The following IPO5 variants were observed in gnomAD, a reference collection of about 807,000 sequenced individuals.
The protein encoded by IPO5 is importin-5.
A neutral mutation model predicts 143.3 loss-of-function variants in IPO5; 18 were observed. That is an observed-to-expected ratio of 0.13 (90% confidence interval 0.09 to 0.19). The LOEUF (loss-of-function observed/expected upper bound fraction) is 0.19. Ranked by LOEUF, IPO5 falls within the 10% of genes least tolerant of loss-of-function variation. The probability of loss-of-function intolerance (pLI) is 1.00; values close to 1 mark genes in which losing one functional copy is unlikely to be tolerated. For missense variants in IPO5, 1,013 were observed against 1,336.9 expected, an observed-to-expected ratio of 0.76 and a Z score of 3.78; for synonymous variants, 477 against 465.7, an observed-to-expected ratio of 1.02 and a Z score of -0.31.
At chr13:97,968,895 G>A (rs979964140) in intron 2 of IPO5, among the ~76,000 whole-genome samples, 6 of 151,772 alleles carry the variant, frequency 4.0e-5, no homozygotes, top group African/African-American at 1.5e-4. Context: ...CACCATGTTT[G>A]CCAGGCTGGT....
At chr13:97,968,309 A>G (rs781741870) in intron 2 of IPO5, among the ~76,000 whole-genome samples, 18 of 152,216 alleles carry the variant, frequency 1.2e-4, no homozygotes, top group Non-Finnish European at 2.4e-4. Flanking sequence ...CATATGGTCT[A>G]TCCTGGAGAA....
At chr13:97,965,151 G>A (rs1885213667) in intron 2 of IPO5, among the ~76,000 whole-genome samples, 1 of 152,114 alleles carries the variant, frequency 6.6e-6, no homozygotes, top group Non-Finnish European at 1.5e-5. Context: ...GAGAACACAT[G>A]GACACAGGAA....
At chr13:98,011,647 C>T (rs590038) in intron 20 of IPO5, among the ~76,000 whole-genome samples, 11,261 of 151,726 alleles carry the variant, frequency 0.074, 666 homozygotes, top group East Asian at 0.33. Context: ...CCTGGCATTA[C>T]AGGTGCCCGC....
intron 12 of IPO5, 134 bp downstream of exon 12, chr13:97,997,752 T>A: frequency 4.7e-6 from 2 of 424,604 alleles, no homozygotes; most frequent in Non-Finnish European, 8.6e-6. Flanking sequence ...TGCTGTTGTA[T>A]TTATTGCTGT....
rs555601282 is a variant in IPO5 at position 97,959,180 on chromosome 13, A to G, written c.-113+4982A>G. On this transcript the variant is annotated intron_variant, in intron 2 of 28. Coordinates refer to ENST00000651721, the MANE Select transcript of IPO5 (RefSeq NM_002271.6). Reference sequence around the variant, plus strand: ...CAGCAAGACTGTGTCTCAAAAAAAAAAAAAGAGAGAGAACAAGTCACACTA... The same window carrying G: ...CAGCAAGACTGTGTCTCAAAAAAAAGAAAAGAGAGAGAACAAGTCACACTA... Among the ~76,000 whole-genome samples, 67 of 151,460 alleles carry G rather than the reference A, an allele frequency of 4.4e-4. No individual in the cohort carries two copies. In the South Asian group the frequency reaches 0.012, roughly 27 times the overall value.
chr13:97,980,612 G>A (rs1886757957), intron 4 of IPO5, among the ~76,000 whole-genome samples: 1 of 151,844 alleles, frequency 6.6e-6, no homozygotes, highest in East Asian at 1.9e-4. Flanking sequence ...GGTGGATCAC[G>A]AGGTCGGGAG....
chr13:97,983,393 G>A (rs1273836723), intron 5 of IPO5, among the ~76,000 whole-genome samples: 2 of 151,964 alleles, frequency 1.3e-5, no homozygotes, highest in Non-Finnish European at 2.9e-5. Flanking sequence ...TAGAATCATG[G>A]TTTTTAGCTA....
Position 98,015,592 on chromosome 13 carries a change from A to T in IPO5, c.2388A>T (p.Ile796=). The T allele has an allele frequency of 6.2e-7, 1 of 1,612,808 alleles. No individual in the cohort carries two copies. The highest frequency in any genetic ancestry group is 8.5e-7 in the Non-Finnish European group (1 of 1,179,072). The change falls in exon 23 of 29, where the codon ATA becomes ATT. Residue 796 remains isoleucine (I), a synonymous_variant. Coordinates refer to ENST00000651721, the MANE Select transcript of IPO5 (RefSeq NM_002271.6). ...NNEHFEELGG[I]LKAKLEEHFK... is the part of the protein sequence containing the mutation. ...AACACTTTGAAGAACTGGGAGGTAT[A>T]TTGAAAGCAAAGCTTGAAGAACATT...
intron 20 of IPO5, among the ~76,000 whole-genome samples, chr13:98,010,888 C>G (rs559280746): frequency 1.4e-5 from 2 of 145,534 alleles, no homozygotes; most frequent in South Asian, 2.2e-4. Flanking sequence ...TCAGTTGATT[C>G]TCCTGCCTCA....
intron 7 of IPO5, among the ~76,000 whole-genome samples, chr13:97,989,675 A>G (rs974684716): frequency 7.9e-5 from 12 of 152,220 alleles, no homozygotes; most frequent in Admixed American, 7.2e-4. Flanking sequence ...TACACCTAAA[A>G]TGTGCTCAAG....
intron 2 of IPO5, among the ~76,000 whole-genome samples, chr13:97,965,301 T>C (rs1478427397): frequency 3.9e-5 from 6 of 152,108 alleles, no homozygotes; most frequent in Non-Finnish European, 8.8e-5. Context: ...GGCACATGTA[T>C]ACCTATGTAA....
chr13:97,984,180 G>GTT (rs1306699513), intron 5 of IPO5, among the ~76,000 whole-genome samples: 3 of 150,504 alleles, frequency 2.0e-5, no homozygotes, highest in Non-Finnish European at 4.4e-5. Context: ...GGGTTTCACC[G>GTT]TTTTAGCCGG....
chr13:98,011,219 CAG>C (rs1162708598), intron 20 of IPO5, among the ~76,000 whole-genome samples: 1 of 152,000 alleles, frequency 6.6e-6, no homozygotes, highest in Non-Finnish European at 1.5e-5. Context: ...CATCTTTAAA[CAG>C]AATTAATCTT....
chr13:98,009,816 T>C (rs1421036925), intron 18 of IPO5, 65 bp from the exon 19 acceptor site: 3 of 1,210,928 alleles, frequency 2.5e-6, no homozygotes, highest in East Asian at 5.1e-5. Context: ...AATAAGGAAA[T>C]GGCTTTCTTT....
At chr13:97,996,799 A>C (rs1441942409) in intron 11 of IPO5, among the ~76,000 whole-genome samples, 4 of 151,856 alleles carry the variant, frequency 2.6e-5, no homozygotes, top group Admixed American at 6.6e-5. Flanking sequence ...TCACCATGTT[A>C]GCCAGGATGG....
chr13:98,018,367 C>CTTTTTT, intron 25 of IPO5, 118 bp from the exon 26 acceptor site: 1 of 722,788 alleles, frequency 1.4e-6, no homozygotes. Context: ...ACTATGTTTT[C>CTTTTTT]TTTTTTCTTT....
At chr13:97,965,755 T>TTG (rs35443379) in intron 2 of IPO5, among the ~76,000 whole-genome samples, 6,926 of 146,698 alleles carry the variant, frequency 0.047, 151 homozygotes, top group Middle Eastern at 0.078. Context: ...TTCTAATAGT[T>TTG]TGTGTGTGTG....
intron 16 of IPO5, 24 bp downstream of exon 16, chr13:98,003,061 G>A: frequency 6.4e-7 from 1 of 1,568,224 alleles, no homozygotes; most frequent in South Asian, 1.2e-5. Flanking sequence ...TCTGTAGGCT[G>A]CTTTCTGTTT....
intron 2 of IPO5, among the ~76,000 whole-genome samples, chr13:97,963,646 G>A (rs953478187): frequency 6.6e-6 from 1 of 152,104 alleles, no homozygotes; most frequent in Non-Finnish European, 1.5e-5. Context: ...AGGATTATAG[G>A]TGTGAGCCAC....
Sources: allele counts gnomAD v4.1 joint callset (sites outside exome capture counted in the v4.1 genomes callset), GRCh38; gene constraint gnomAD v4.1.1; transcripts MANE v1.5; gene names NCBI Gene and HGNC (gene_info 2026-07-23, HGNC 2026-07-21).